GDAP2: variants seen among roughly 807,000 people sequenced by gnomAD.
GDAP2 encodes the protein ganglioside induced differentiation associated protein 2, also known as ganglioside-induced differentiation-associated protein 2.
GDAP2 carries 51 observed loss-of-function variants against 67.0 expected under a neutral mutation model. That is an observed-to-expected ratio of 0.76 (90% confidence interval 0.61 to 0.96). GDAP2 has a LOEUF of 0.96. GDAP2 is among the 40% of genes least tolerant of loss of function. The pLI is 0.00. For missense variants in GDAP2, 547 were observed against 588.3 expected, an observed-to-expected ratio of 0.93 and a Z score of 0.73; for synonymous variants, 203 against 207.3, an observed-to-expected ratio of 0.98 and a Z score of 0.18.
intron 6 of GDAP2, among the ~76,000 whole-genome samples, chr1:117,902,404 C>T (rs901469905): frequency 6.6e-6 from 1 of 152,192 alleles, no homozygotes; most frequent in East Asian, 1.9e-4. Flanking sequence ...GATTTATACC[C>T]ACACTTTCTT....
intron 12 of GDAP2, among the ~76,000 whole-genome samples, chr1:117,879,930 C>T (rs1325026961): frequency 6.6e-6 from 1 of 152,138 alleles, no homozygotes; most frequent in Non-Finnish European, 1.5e-5. Flanking sequence ...GTAATCCCAG[C>T]ACTTTGGGAG....
At position 117,869,610 on chromosome 1, in the gene GDAP2, A is replaced by G. The variant is rs988571242; in HGVS notation, c.*959T>C. ...AGGCACAAATAGAGCCTGAGTGGTA[A>G]AAGTGGTCTTTTGCCAATTATCAGC... On this transcript the variant is annotated 3_prime_UTR_variant, in exon 14 of 14. Transcript: ENST00000369443. 2 of 152,630 alleles carry G rather than the reference A, an allele frequency of 1.3e-5. No individual in the cohort carries two copies. The highest frequency in any genetic ancestry group is 2.9e-5 in the Non-Finnish European group (2 of 68,046). 9.5% of individuals were successfully genotyped at this position (152,630 alleles called of 1,614,324 possible). A position where few individuals can be genotyped will look rare whatever the true frequency, so the allele number is the denominator to read the frequency against.
rs912510014 is a variant in GDAP2 at position 117,870,218 on chromosome 1, T to C, written c.*351A>G. 1 of 286,000 alleles carries C rather than the reference T, an allele frequency of 3.5e-6. No homozygotes were observed. The highest frequency in any genetic ancestry group is 6.6e-6 in the Non-Finnish European group (1 of 151,974). 17.7% of individuals were successfully genotyped at this position (286,000 alleles called of 1,614,324 possible). ...TTAAGTACACAAAGGAAGCGTGCAA[T>C]GTTAGAGAGATGATGTGAACAGTCT... is the stretch of plus-strand genomic sequence containing the variant. On this transcript the variant is annotated 3_prime_UTR_variant, in exon 14 of 14. Transcript: ENST00000369443.
At chr1:117,908,579 T>C (rs1256121333) in intron 5 of GDAP2, among the ~76,000 whole-genome samples, 1 of 152,114 alleles carries the variant, frequency 6.6e-6, no homozygotes, top group Non-Finnish European at 1.5e-5. Context: ...TCCCAGCACT[T>C]TGGGAGGTGA....
chr1:117,870,935 T>C, intron 13 of GDAP2, among the ~76,000 whole-genome samples: 1 of 152,226 alleles, frequency 6.6e-6, no homozygotes, highest in South Asian at 2.1e-4. Context: ...ACATCCTCAC[T>C]TTACAGAAGA....
chr1:117,926,855 G>A (rs1275716892), intron 1 of GDAP2, among the ~76,000 whole-genome samples: 1 of 152,104 alleles, frequency 6.6e-6, no homozygotes, highest in East Asian at 1.9e-4. Context: ...AGTGACAAAG[G>A]GAGGAGGAGA....
chr1:117,893,840 TTTTG>T lies in GDAP2; in HGVS notation c.953+2989_953+2992del, dbSNP rs531079650. Among the ~76,000 whole-genome samples, 76 of 152,270 alleles carry T rather than the reference TTTTG, an allele frequency of 5.0e-4. 1 individual carries two copies. The highest frequency in any genetic ancestry group is 1.8e-3 in the Admixed American group (28 of 15,290). On this transcript the variant is annotated intron_variant, in intron 8 of 13. Transcript: ENST00000369443. ...TAAATTATTGAGGACCTTAAACATC[TTTTG>T]TTTGTGTCATTTATATCTACCAGTT...
intron 1 of GDAP2, among the ~76,000 whole-genome samples, chr1:117,924,444 G>A (rs1207713526): frequency 6.6e-6 from 1 of 152,134 alleles, no homozygotes; most frequent in East Asian, 1.9e-4. Flanking sequence ...CATCTATGTT[G>A]CTGCAAAGGA....
At chr1:117,904,518 T>C (rs1372446954) in intron 6 of GDAP2, among the ~76,000 whole-genome samples, 2 of 152,212 alleles carry the variant, frequency 1.3e-5, no homozygotes, top group Middle Eastern at 3.2e-3. Context: ...ATCCCTTTAT[T>C]CATAAATTAT....
Position 117,918,686 on chromosome 1 carries a change from T to A in GDAP2, c.227A>T (p.Asn76Ile), listed in dbSNP as rs1294199712. The A allele has an allele frequency of 6.3e-7, 1 of 1,599,628 alleles. No homozygotes were observed. ...LNCTAIVNTS[N>I]ESLTDKNPVS... is the part of the protein sequence containing the mutation. ...AGGATTCTTATCTGTGAGACTTTCA[T>A]TGCTGGTATTCACAATGGCTGTACA... is the stretch of plus-strand genomic sequence containing the variant. The change falls in exon 3 of 14, where the codon AAT (asparagine) becomes ATT (isoleucine). Residue 76 changes from asparagine (N) to isoleucine (I), a missense_variant. Transcript: ENST00000369443.
rs543179098 is a variant in GDAP2, at chr1:117,871,781, G to C, written c.1447-1165C>G. Among the ~76,000 whole-genome samples, 5 of 152,170 alleles carry C rather than the reference G, an allele frequency of 3.3e-5. No homozygotes were observed. In the South Asian group the frequency reaches 1.0e-3, roughly 32 times the overall value. On this transcript the variant is annotated intron_variant, in intron 13 of 13. Coordinates refer to ENST00000369443, the MANE Select transcript of GDAP2 (RefSeq NM_017686.4). ...AAAAAATAGGTAGAAACAAATCCTA[G>C]GATAGGCTACATTTCTAAAAACTTG...
chr1:117,916,112 G>A (rs1238216957), intron 3 of GDAP2, among the ~76,000 whole-genome samples: 1 of 152,164 alleles, frequency 6.6e-6, no homozygotes, highest in Non-Finnish European at 1.5e-5. Flanking sequence ...GTTATCACAA[G>A]ACAATTTACA....
Position 117,918,682 on chromosome 1 carries a change from T to C in GDAP2, c.231A>G (p.Glu77=). 1.3e-6 allele frequency: 2 copies of C among 1,599,694 alleles called. No individual in the cohort carries two copies. The highest frequency in any genetic ancestry group is 2.2e-5 in the East Asian group (1 of 44,766). Residue 77 remains glutamate, a synonymous_variant, in exon 3 of 14, where the codon GAA becomes GAG. Coordinates refer to ENST00000369443, the MANE Select transcript of GDAP2 (RefSeq NM_017686.4). ...NCTAIVNTSN[E]SLTDKNPVSE... ...ACACAGGATTCTTATCTGTGAGACTTTCATTGCTGGTATTCACAATGGCTG... is the reference window on the plus strand; with the variant it reads ...ACACAGGATTCTTATCTGTGAGACTCTCATTGCTGGTATTCACAATGGCTG...
At chr1:117,900,735 A>C (rs1364166435) in intron 6 of GDAP2, among the ~76,000 whole-genome samples, 1 of 149,512 alleles carries the variant, frequency 6.7e-6, no homozygotes, top group African/African-American at 2.5e-5. Context: ...ACTGCACTCC[A>C]GCCTGGTGAC....
At chr1:117,926,672 C>T (rs548059443) in intron 1 of GDAP2, among the ~76,000 whole-genome samples, 2 of 152,172 alleles carry the variant, frequency 1.3e-5, no homozygotes, top group Non-Finnish European at 2.9e-5. Flanking sequence ...AAAACCTGAT[C>T]CCTGAGAGAA....
At chr1:117,887,111 G>A (rs910641792) in intron 9 of GDAP2, among the ~76,000 whole-genome samples, 1 of 151,806 alleles carries the variant, frequency 6.6e-6, no homozygotes, top group Non-Finnish European at 1.5e-5. Context: ...TCATTATTTT[G>A]TAGAGATGGG....
At chr1:117,897,996 T>C (rs1190202853) in intron 7 of GDAP2, among the ~76,000 whole-genome samples, 1 of 152,166 alleles carries the variant, frequency 6.6e-6, no homozygotes, top group Non-Finnish European at 1.5e-5. Flanking sequence ...TACTTGAAAA[T>C]ATTTAAGAAT....
intron 10 of GDAP2, 33 bp downstream of exon 10, chr1:117,886,544 T>A: frequency 9.0e-7 from 1 of 1,109,086 alleles, no homozygotes; most frequent in South Asian, 1.2e-5. Context: ...TCAATCAACA[T>A]TGTTTGTAAA....
Position 117,918,650 on chromosome 1 carries a change from C to G in GDAP2, c.263G>C (p.Ser88Thr), listed in dbSNP as rs1040682741. 6.2e-7 allele frequency: 1 copy of G among 1,609,222 alleles called. No individual in the cohort carries two copies. Among genetic ancestry groups the G allele is most frequent in the African/African-American group, 1.3e-5 (1 of 74,928 alleles). ...SLTDKNPVSE[S>T]IFMLAGPDLK... The stretch of plus-strand genomic sequence containing the variant: ...ATCAGGCCCTGCAAGCATGAAGATA[C>G]TTTCTGACACAGGATTCTTATCTGT... The change falls in exon 3 of 14, where the codon AGT becomes ACT. Residue 88 changes from serine (S) to threonine (T), a missense_variant. Transcript: ENST00000369443.
Sources: allele counts gnomAD v4.1 joint callset (sites outside exome capture counted in the v4.1 genomes callset), GRCh38; gene constraint gnomAD v4.1.1; transcripts MANE v1.5; gene names NCBI Gene and HGNC (gene_info 2026-07-23, HGNC 2026-07-21).